Variants in SHROOM3 observed in about 807,000 individuals in gnomAD.
The protein encoded by SHROOM3 is shroom family member 3, also known as protein Shroom3.
In SHROOM3, 47 loss-of-function variants were observed where a neutral mutation model predicts 138.6. The ratio of observed to expected loss-of-function variants is 0.34; its 90% CI spans 0.27 to 0.43. The LOEUF (loss-of-function observed/expected upper bound fraction) is 0.43, where lower values mean the gene tolerates loss of function less well. Among genes scored for constraint, SHROOM3 ranks in the 20% least tolerant of loss-of-function variants. The pLI, the probability that SHROOM3 is intolerant of heterozygous loss-of-function variation, is 1.00. For synonymous variants in SHROOM3, 1,062 were observed against 1,063.3 expected (o/e 1.00, Z 0.02); for missense variants, 2,491 against 2,596.5 (o/e 0.96, Z 0.88).
Position 76,737,449 on chromosome 4 carries a change from A to T in SHROOM3, c.588-1312A>T, listed in dbSNP as rs554895798. ...AGTTCCAGTGGATAAATGCCAGGGA[A>T]TGTGATCACTGGATCTTATGGTAAG... On this transcript the variant is annotated intron_variant, in intron 4 of 10. Coordinates refer to ENST00000296043, the MANE Select transcript of SHROOM3 (RefSeq NM_020859.4). 6.6e-4 allele frequency among the ~76,000 whole-genome samples: 100 copies of T among 151,290 alleles called. 1 individual carries two copies. The highest frequency in any genetic ancestry group is 9.9e-4 in the Non-Finnish European group (67 of 67,734).
At chr4:76,717,704 A>G (rs939857585) in intron 3 of SHROOM3, among the ~76,000 whole-genome samples, 1 of 152,120 alleles carries the variant, frequency 6.6e-6, no homozygotes, top group African/African-American at 2.4e-5. Flanking sequence ...AAACTGCTCT[A>G]AAAAAATTTT....
intron 1 of SHROOM3, among the ~76,000 whole-genome samples, chr4:76,539,968 C>T (rs1733064734): frequency 6.6e-6 from 1 of 152,210 alleles, no homozygotes; most frequent in African/African-American, 2.4e-5. Context: ...CTGCCTCAGC[C>T]TTCCAAGTAG....
At chr4:76,603,463 A>G (rs892401432) in intron 2 of SHROOM3, among the ~76,000 whole-genome samples, 1 of 152,072 alleles carries the variant, frequency 6.6e-6, no homozygotes, top group East Asian at 1.9e-4. Flanking sequence ...ACAAAAAAAA[A>G]CCGTACTTTG....
intron 4 of SHROOM3, among the ~76,000 whole-genome samples, chr4:76,738,381 G>A (rs1227154953): frequency 6.6e-6 from 1 of 152,122 alleles, no homozygotes; most frequent in Non-Finnish European, 1.5e-5. Context: ...AACAGCCCCA[G>A]TAGACACACA....
chr4:76,735,484 C>T (rs1245496547), intron 4 of SHROOM3, among the ~76,000 whole-genome samples: 1 of 151,964 alleles, frequency 6.6e-6, no homozygotes, highest in African/African-American at 2.4e-5. Context: ...TATACCCTTG[C>T]ACTGGTCTGA....
At position 76,435,866 on chromosome 4, in the gene SHROOM3, C is replaced by A. The variant is rs759172405; in HGVS notation, c.-187C>A. ...TTCAGAAATGTTGAAGTGAAAATTCCTTCTGGTTCAGCATCTTGGAGTTCA... is the reference window on the plus strand; with the variant it reads ...TTCAGAAATGTTGAAGTGAAAATTCATTCTGGTTCAGCATCTTGGAGTTCA... On this transcript the variant is annotated 5_prime_UTR_variant, in exon 1 of 11. Coordinates refer to ENST00000296043, the MANE Select transcript of SHROOM3 (RefSeq NM_020859.4). The A allele has an allele frequency of 7.9e-5, 44 of 559,622 alleles. No homozygotes were observed. The highest frequency in any genetic ancestry group is 1.3e-4 in the Non-Finnish European group (41 of 325,230). The allele number at this position is 559,622 out of a possible 1,614,324, so 34.7% of individuals were successfully genotyped here.
intron 2 of SHROOM3, among the ~76,000 whole-genome samples, chr4:76,634,100 A>C (rs796839776): frequency 3.3e-5 from 5 of 152,124 alleles, no homozygotes; most frequent in African/African-American, 1.2e-4. Context: ...TCTGCTAATA[A>C]ACTGTCCCTC....
rs772254261 is a variant in SHROOM3 at position 76,740,210 on chromosome 4, G to A, written c.2037G>A (p.Glu679=). ...GTCTGAGAAGACACAGCAGCCTGGA[G>A]CTAGGCCGGGGAACCCAGGAGGGTT... ...PESLRRHSSL[E]LGRGTQEGYP... is the part of the protein sequence containing the mutation. The change falls in exon 5 of 11, where the codon GAG becomes GAA. Residue 679 remains glutamate (E), a synonymous_variant. Transcript: ENST00000296043. The surrounding 1 kb of genome is among the most constrained non-coding windows in gnomAD (Gnocchi z 4.0). 1 of 1,613,596 alleles carries A rather than the reference G, an allele frequency of 6.2e-7. No individual in the cohort carries two copies. The highest frequency in any genetic ancestry group is 8.5e-7 in the Non-Finnish European group (1 of 1,180,042).
chr4:76,466,252 C>T (rs1731247849), intron 1 of SHROOM3, among the ~76,000 whole-genome samples: 2 of 152,110 alleles, frequency 1.3e-5, no homozygotes, highest in Admixed American at 6.5e-5. Flanking sequence ...CTTGTCTGAC[C>T]TAAGTGAAGC....
intron 1 of SHROOM3, among the ~76,000 whole-genome samples, chr4:76,496,710 G>A (rs1048762277): frequency 1.3e-5 from 2 of 152,160 alleles, no homozygotes; most frequent in Non-Finnish European, 2.9e-5. Context: ...GCAGTTTGAT[G>A]TAGTAGACAG....
intron 2 of SHROOM3, among the ~76,000 whole-genome samples, chr4:76,620,811 C>A (rs114184698): frequency 6.6e-6 from 1 of 152,076 alleles, no homozygotes; most frequent in Non-Finnish European, 1.5e-5. Context: ...TCCTGTGTAA[C>A]GTTCAGTCTT....
intron 1 of SHROOM3, among the ~76,000 whole-genome samples, chr4:76,496,586 A>G (rs572705358): frequency 6.6e-6 from 1 of 152,272 alleles, no homozygotes; most frequent in South Asian, 2.1e-4. Context: ...TTCCACCCTT[A>G]TTGGATCTCA....
At chr4:76,559,678 C>T (rs1371661943) in intron 2 of SHROOM3, 2 of 152,128 alleles carry the variant, frequency 1.3e-5, no homozygotes, top group African/African-American at 4.8e-5. Context: ...ATAAAAATGC[C>T]AAGAACACAG....
intron 2 of SHROOM3, among the ~76,000 whole-genome samples, chr4:76,667,579 A>C (rs1718730818): frequency 6.6e-6 from 1 of 151,912 alleles, no homozygotes; most frequent in Non-Finnish European, 1.5e-5. Context: ...CTCCCAAAGT[A>C]CTGGGATTAC....
Position 76,730,868 on chromosome 4 carries a change from G to T in SHROOM3, c.520G>T (p.Asp174Tyr), listed in dbSNP as rs192760386. 2 of 1,614,104 alleles carry T rather than the reference G, an allele frequency of 1.2e-6. No homozygotes were observed. The highest frequency in any genetic ancestry group is 2.2e-5 in the South Asian group (2 of 91,068). The change falls in exon 4 of 11, where the codon GAT (aspartate) becomes TAT (tyrosine). Residue 174 changes from aspartate to tyrosine, a missense_variant. Asp to Tyr is a radical substitution (Grantham distance 160). This residue lies in a region of SHROOM3 where 284 missense variants were observed against 322.8 expected (regional missense o/e 0.88). Transcript: ENST00000296043. The part of the protein sequence containing the change: ...HTTKSGEKQP[D>Y]ASMMQISQGM... Reference sequence around the variant, plus strand: ...AACTAAATCTGGGGAGAAGCAACCCGATGCCAGCATGATGCAGATATCTCA... The same window carrying T: ...AACTAAATCTGGGGAGAAGCAACCCTATGCCAGCATGATGCAGATATCTCA...
intron 2 of SHROOM3, among the ~76,000 whole-genome samples, chr4:76,609,516 C>G (rs972900766): frequency 6.6e-6 from 1 of 152,224 alleles, no homozygotes; most frequent in South Asian, 2.1e-4. Flanking sequence ...TGAGATTCTC[C>G]TGCCTCAGCC....
chr4:76,474,395 C>T (rs1310288457), intron 1 of SHROOM3, among the ~76,000 whole-genome samples: 2 of 152,038 alleles, frequency 1.3e-5, no homozygotes, highest in Non-Finnish European at 2.9e-5. Context: ...TGTTAAAAAC[C>T]ACTGACTTGT....
chr4:76,553,594 G>A (rs1733414248), intron 1 of SHROOM3, among the ~76,000 whole-genome samples: 1 of 151,970 alleles, frequency 6.6e-6, no homozygotes, highest in Non-Finnish European at 1.5e-5. Flanking sequence ...GGTTTCAAGC[G>A]ATTCTCCCAC....
chr4:76,481,712 T>C (rs1195651405), intron 1 of SHROOM3, among the ~76,000 whole-genome samples: 1 of 152,182 alleles, frequency 6.6e-6, no homozygotes, highest in Non-Finnish European at 1.5e-5. Flanking sequence ...AATGAAAATT[T>C]CAGGCCAATA....
Sources: gnomAD v4.1 joint callset for allele counts (sites outside exome capture counted in the v4.1 genomes callset) on GRCh38, gnomAD v4.1.1 for gene constraint, gnomAD v4.1.1 regional missense constraint, Gnocchi (gnomAD v3.1) non-coding constraint, MANE v1.5 for transcripts, NCBI Gene and HGNC (gene_info 2026-07-23, HGNC 2026-07-21) for gene names.